Variants in RPS6KA5 observed in about 807,000 individuals in gnomAD.
RPS6KA5 encodes ribosomal protein S6 kinase A5.
A neutral mutation model predicts 85.5 loss-of-function variants in RPS6KA5; 27 were observed. That is an observed-to-expected ratio of 0.32 (90% CI 0.23 to 0.44). The LOEUF is 0.44. RPS6KA5 is among the 20% of genes least tolerant of loss of function. The pLI is 1.00. For synonymous variants in RPS6KA5, 334 were observed against 348.2 expected (o/e 0.96, Z 0.46); for missense variants, 811 against 980.9 (o/e 0.83, Z 2.31).
intron 1 of RPS6KA5, among the ~76,000 whole-genome samples, chr14:91,025,811 TAA>T (rs71117398): frequency 8.4e-5 from 12 of 143,542 alleles, no homozygotes; most frequent in Admixed American, 2.1e-4. Flanking sequence ...CTTTTTCTCT[TAA>T]AAAAAAAAAA....
intron 5 of RPS6KA5, among the ~76,000 whole-genome samples, chr14:90,926,281 T>C (rs1286125): frequency 0.99 from 149,566 of 151,808 alleles, 73,694 homozygotes; most frequent in East Asian, 1. Flanking sequence ...GTCCCAGCTA[T>C]TCAGGAGGCT....
intron 14 of RPS6KA5, among the ~76,000 whole-genome samples, chr14:90,877,701 C>T (rs2033568267): frequency 6.6e-6 from 1 of 152,098 alleles, no homozygotes; most frequent in Admixed American, 6.6e-5. Flanking sequence ...CTTAGAATGC[C>T]ATTTTTTTTC....
chr14:90,875,450 T>A, intron 14 of RPS6KA5, 90 bp from the exon 15 acceptor site: 1 of 1,165,724 alleles, frequency 8.6e-7, no homozygotes, highest in Non-Finnish European at 1.2e-6. Context: ...CTGGTGTAAT[T>A]TACCAATTGC....
At chr14:90,952,363 T>C (rs1005928015) in intron 3 of RPS6KA5, among the ~76,000 whole-genome samples, 2 of 152,254 alleles carry the variant, frequency 1.3e-5, no homozygotes, top group Non-Finnish European at 2.9e-5. Flanking sequence ...TCGGTAACTT[T>C]ACCCAGACCT....
intron 1 of RPS6KA5, among the ~76,000 whole-genome samples, chr14:91,049,340 C>T (rs2042980472): frequency 6.6e-6 from 1 of 152,144 alleles, no homozygotes; most frequent in Non-Finnish European, 1.5e-5. Flanking sequence ...GTCGGCCGGG[C>T]GCGGTGGCTC....
At chr14:91,059,881 G>A (rs2043557139) in intron 1 of RPS6KA5, 1 of 276,796 alleles carries the variant, frequency 3.6e-6, no homozygotes, top group Non-Finnish European at 5.5e-6. Context: ...TGGCTCCACA[G>A]AGCCCCACCG....
At chr14:90,961,613 G>T (rs1482518860) in intron 3 of RPS6KA5, among the ~76,000 whole-genome samples, 2 of 151,854 alleles carry the variant, frequency 1.3e-5, no homozygotes, top group Non-Finnish European at 2.9e-5. Flanking sequence ...ATTTTGGAGG[G>T]CTCATCTGAA....
chr14:90,877,944 T>G (rs182251987), intron 14 of RPS6KA5, among the ~76,000 whole-genome samples: 1 of 152,234 alleles, frequency 6.6e-6, no homozygotes, highest in Non-Finnish European at 1.5e-5. Context: ...TGGCACACAG[T>G]AGGTGCTCAG....
intron 1 of RPS6KA5, among the ~76,000 whole-genome samples, chr14:91,026,674 T>C (rs562642143): frequency 2.6e-5 from 4 of 152,354 alleles, no homozygotes; most frequent in South Asian, 4.1e-4. Context: ...AGTAATGGGA[T>C]TGCTAGATCA....
chr14:90,948,492 C>G (rs567280284), intron 3 of RPS6KA5, among the ~76,000 whole-genome samples: 1 of 152,152 alleles, frequency 6.6e-6, no homozygotes, highest in South Asian at 2.1e-4. Flanking sequence ...GTCAGGAGAT[C>G]GAGACCATCC....
At chr14:90,939,418 AT>A (rs1183826686) in intron 5 of RPS6KA5, among the ~76,000 whole-genome samples, 1 of 152,104 alleles carries the variant, frequency 6.6e-6, no homozygotes, top group East Asian at 1.9e-4. Flanking sequence ...TCGCTTCCAC[AT>A]TTTCAGCAGC....
At chr14:90,912,839 G>A (rs1043029908) in intron 7 of RPS6KA5, among the ~76,000 whole-genome samples, 2 of 150,736 alleles carry the variant, frequency 1.3e-5, no homozygotes, top group African/African-American at 4.9e-5. Context: ...GTAACTCTGG[G>A]AGTCGTCCCC....
At chr14:90,945,724 C>T (rs751364944) in intron 4 of RPS6KA5, among the ~76,000 whole-genome samples, 13 of 152,086 alleles carry the variant, frequency 8.5e-5, no homozygotes, top group South Asian at 2.1e-4. Flanking sequence ...AATTAAAAAC[C>T]GGATTTTCGG....
chr14:90,963,902 C>T (rs565413853), intron 3 of RPS6KA5, among the ~76,000 whole-genome samples: 1 of 152,190 alleles, frequency 6.6e-6, no homozygotes, highest in East Asian at 1.9e-4. Context: ...GGTATCAGAG[C>T]ACAGTAGTGG....
chr14:91,025,742 T>C (rs944502748), intron 1 of RPS6KA5, among the ~76,000 whole-genome samples: 7 of 151,576 alleles, frequency 4.6e-5, no homozygotes, highest in African/African-American at 7.3e-5. Context: ...GTTCTAAAGA[T>C]TTAAAACCTC....
chr14:90,901,778 T>G (rs2035183566), intron 9 of RPS6KA5, among the ~76,000 whole-genome samples: 1 of 152,230 alleles, frequency 6.6e-6, no homozygotes, highest in African/African-American at 2.4e-5. Context: ...TTTTATCTTG[T>G]GTGACAAATG....
At chr14:90,875,025 CA>C (rs2033360655) in intron 15 of RPS6KA5, among the ~76,000 whole-genome samples, 175 bp downstream of exon 15, 3 of 152,046 alleles carry the variant, frequency 2.0e-5, no homozygotes, top group Admixed American at 1.3e-4. Context: ...ATGTGGATAC[CA>C]TTACTAAAGA....
intron 3 of RPS6KA5, among the ~76,000 whole-genome samples, chr14:90,953,941 G>A (rs2038364473): frequency 6.6e-6 from 1 of 152,156 alleles, no homozygotes; most frequent in Non-Finnish European, 1.5e-5. Context: ...TTCCTCAAAA[G>A]CATGTGATCT....
At chr14:90,939,608 G>C (rs186117754) in intron 5 of RPS6KA5, among the ~76,000 whole-genome samples, 1 of 152,314 alleles carries the variant, frequency 6.6e-6, no homozygotes, top group East Asian at 1.9e-4. Context: ...GTCTTACATG[G>C]ATAGCAGGAG....
Sources: gnomAD v4.1 joint callset for allele counts (sites outside exome capture counted in the v4.1 genomes callset) on GRCh38, gnomAD v4.1.1 for gene constraint, MANE v1.5 for transcripts, NCBI Gene and HGNC (gene_info 2026-07-23, HGNC 2026-07-21) for gene names.